CNTN5: variants seen among roughly 807,000 people sequenced by gnomAD.
CNTN5 encodes contactin 5.
CNTN5 carries 77 observed loss-of-function variants against 129.1 expected under a neutral mutation model. The observed-to-expected ratio is 0.60, with a 90% CI of 0.50 to 0.72. The LOEUF is 0.72. CNTN5 is among the 30% of genes least tolerant of loss of function. The probability of loss-of-function intolerance (pLI) is 0.00; values close to 1 mark genes in which losing one functional copy is unlikely to be tolerated. For synonymous variants in CNTN5, 509 were observed against 465.6 expected, an observed-to-expected ratio of 1.09 and a Z score of -1.20; for missense variants, 1,478 against 1,328.8, an observed-to-expected ratio of 1.11 and a Z score of -1.75.
At chr11:99,290,038 G>A (rs985135056) in intron 1 of CNTN5, among the ~76,000 whole-genome samples, 4 of 151,680 alleles carry the variant, frequency 2.6e-5, no homozygotes, top group Admixed American at 2.0e-4. Flanking sequence ...TGCTACATCT[G>A]AAGTTATTAA....
At chr11:99,113,401 A>T (rs1857893153) in intron 1 of CNTN5, among the ~76,000 whole-genome samples, 2 of 152,110 alleles carry the variant, frequency 1.3e-5, no homozygotes, top group South Asian at 4.1e-4. Context: ...ACAGGTAATG[A>T]TGGAACGCAG....
At chr11:99,119,908 G>A (rs1180855363) in intron 1 of CNTN5, among the ~76,000 whole-genome samples, 2 of 151,990 alleles carry the variant, frequency 1.3e-5, no homozygotes, top group Non-Finnish European at 2.9e-5. Context: ...GTATGTTTTG[G>A]TCACATGTAT....
intron 18 of CNTN5, among the ~76,000 whole-genome samples, chr11:100,296,023 A>T (rs1227298550): frequency 6.6e-6 from 1 of 151,558 alleles, no homozygotes; most frequent in African/African-American, 2.4e-5. Flanking sequence ...TATTTATTTG[A>T]CTATGCTTTG....
At chr11:100,291,947 A>C (rs982329961) in intron 18 of CNTN5, among the ~76,000 whole-genome samples, 1 of 151,884 alleles carries the variant, frequency 6.6e-6, no homozygotes, top group Non-Finnish European at 1.5e-5. Context: ...ACTATGCTCA[A>C]TGTGATCCCA....
intron 18 of CNTN5, among the ~76,000 whole-genome samples, chr11:100,283,577 T>A (rs758358813): frequency 5.3e-5 from 8 of 152,200 alleles, no homozygotes; most frequent in Non-Finnish European, 1.0e-4. Context: ...CTTGAGCCTG[T>A]GGTGGTGAGG....
chr11:99,787,528 A>T (rs1449223692), intron 3 of CNTN5, among the ~76,000 whole-genome samples: 1 of 151,876 alleles, frequency 6.6e-6, no homozygotes, highest in East Asian at 1.9e-4. Flanking sequence ...GAAAAAAAAA[A>T]ATGGCCAAGG....
rs1035894799 is a variant in CNTN5, at chr11:99,929,378, C to T, written c.673+13229C>T. ...TTACCCAGTTGCAAATTTGCTTCCA[C>T]ATTTTTGGGTATCCTTTCAGCAGTG... On this transcript the variant is annotated intron_variant, in intron 7 of 24. Coordinates refer to ENST00000524871, the MANE Select transcript of CNTN5 (RefSeq NM_014361.4). Among the ~76,000 whole-genome samples the T allele has an allele frequency of 5.9e-5, 9 of 152,190 alleles. 1 individual carries two copies. The highest frequency in any genetic ancestry group is 2.2e-4 in the African/African-American group (9 of 41,454).
chr11:99,659,521 G>C (rs866340934), intron 3 of CNTN5, among the ~76,000 whole-genome samples: 2 of 152,212 alleles, frequency 1.3e-5, no homozygotes, highest in Middle Eastern at 3.4e-3. Flanking sequence ...TATGTATATA[G>C]ACAGATTTAT....
At chr11:99,378,020 G>C (rs1940294682) in intron 2 of CNTN5, among the ~76,000 whole-genome samples, 1 of 152,084 alleles carries the variant, frequency 6.6e-6, no homozygotes, top group South Asian at 2.1e-4. Context: ...ATGGTTTAAA[G>C]ATAATTTTAG....
intron 7 of CNTN5, among the ~76,000 whole-genome samples, chr11:99,934,937 TATATATATATACAC>T (rs1299482489): frequency 2.9e-4 from 26 of 89,770 alleles, no homozygotes; most frequent in African/African-American, 1.4e-3. Context: ...TATATATATA[TATATATATATACAC>T]ACACATATAT....
At chr11:100,017,993 G>A (rs1405445669) in intron 9 of CNTN5, among the ~76,000 whole-genome samples, 2 of 151,626 alleles carry the variant, frequency 1.3e-5, no homozygotes, top group African/African-American at 4.8e-5. Context: ...TGTTTGGGGG[G>A]GTAAAATGGG....
At chr11:99,141,831 C>T (rs1300129969) in intron 1 of CNTN5, among the ~76,000 whole-genome samples, 2 of 152,054 alleles carry the variant, frequency 1.3e-5, no homozygotes, top group African/African-American at 2.4e-5. Flanking sequence ...CATTGATTTC[C>T]ATTTTTATTG....
chr11:99,172,386 G>A (rs992870277), intron 1 of CNTN5, among the ~76,000 whole-genome samples: 12 of 152,198 alleles, frequency 7.9e-5, no homozygotes, highest in East Asian at 1.9e-4. Context: ...TAATAAGTTC[G>A]TTTAATTAAA....
chr11:100,015,902 G>A (rs1209644559), intron 9 of CNTN5, among the ~76,000 whole-genome samples: 1 of 151,916 alleles, frequency 6.6e-6, no homozygotes, highest in Non-Finnish European at 1.5e-5. Flanking sequence ...ATAATTATAT[G>A]ATGTCAGAAA....
chr11:99,962,435 G>C (rs1026635594), intron 8 of CNTN5, among the ~76,000 whole-genome samples: 1 of 151,684 alleles, frequency 6.6e-6, no homozygotes, highest in African/African-American at 2.4e-5. Context: ...GCGATAGTTT[G>C]CTGAGAATGA....
intron 3 of CNTN5, among the ~76,000 whole-genome samples, chr11:99,630,079 A>T (rs1169186882): frequency 1.3e-5 from 2 of 152,006 alleles, no homozygotes; most frequent in Non-Finnish European, 2.9e-5. Context: ...AAAAAAATCA[A>T]GTGATTTAAA....
At chr11:99,542,668 C>T (rs889826412) in intron 2 of CNTN5, among the ~76,000 whole-genome samples, 7 of 152,160 alleles carry the variant, frequency 4.6e-5, no homozygotes, top group African/African-American at 1.2e-4. Context: ...CCCTGGAGGG[C>T]AAAATCACCT....
chr11:100,250,564 G>C (rs1218587869), intron 16 of CNTN5, among the ~76,000 whole-genome samples: 2 of 151,916 alleles, frequency 1.3e-5, no homozygotes, highest in Admixed American at 6.6e-5. Flanking sequence ...TGATTATTGG[G>C]CAATTTGTTG....
intron 17 of CNTN5, among the ~76,000 whole-genome samples, chr11:100,269,840 C>T (rs915440650): frequency 6.6e-6 from 1 of 152,130 alleles, no homozygotes; most frequent in Non-Finnish European, 1.5e-5. Context: ...GATGTTAAGT[C>T]CTGGTGCTCC....
Sources: allele counts gnomAD v4.1 joint callset (sites outside exome capture counted in the v4.1 genomes callset), GRCh38; gene constraint gnomAD v4.1.1; transcripts MANE v1.5; gene names NCBI Gene and HGNC (gene_info 2026-07-23, HGNC 2026-07-21).